Variants in TMEM14A observed in about 807,000 individuals in gnomAD.
The protein encoded by TMEM14A is transmembrane protein 14A.
A neutral mutation model predicts 11.6 loss-of-function variants in TMEM14A; 8 were observed. That is an observed-to-expected ratio of 0.69 (90% CI 0.40 to 1.24). The LOEUF is 1.24. Ranked by LOEUF, TMEM14A falls within the 50% of genes most tolerant of loss-of-function variation. The pLI is 0.01. For synonymous variants in TMEM14A, 34 were observed against 45.5 expected, an observed-to-expected ratio of 0.75 and a Z score of 1.02; for missense variants, 108 against 121.9, an observed-to-expected ratio of 0.89 and a Z score of 0.54.
intron 1 of TMEM14A, among the ~76,000 whole-genome samples, chr6:52,675,039 G>T (rs978913204): frequency 1.3e-5 from 2 of 151,906 alleles, no homozygotes; most frequent in African/African-American, 4.8e-5. Flanking sequence ...ACCATGCCAC[G>T]TCCGGGTAAT....
chr6:52,683,418 C>G (rs1318652596), intron 3 of TMEM14A, among the ~76,000 whole-genome samples: 1 of 149,846 alleles, frequency 6.7e-6, no homozygotes, highest in Non-Finnish European at 1.5e-5. Flanking sequence ...TGAGATCACG[C>G]CACTGTACTC....
chr6:52,684,491 A>G (rs1355720851), intron 4 of TMEM14A, among the ~76,000 whole-genome samples: 1 of 152,210 alleles, frequency 6.6e-6, no homozygotes, highest in Non-Finnish European at 1.5e-5. Flanking sequence ...ATTTAAATCT[A>G]ATACTCAGTC....
chr6:52,681,127 A>G (rs1052283837), intron 2 of TMEM14A, among the ~76,000 whole-genome samples: 2 of 151,828 alleles, frequency 1.3e-5, no homozygotes, highest in African/African-American at 4.8e-5. Flanking sequence ...CTGCCATGTA[A>G]CCCACTGTCC....
intron 2 of TMEM14A, among the ~76,000 whole-genome samples, chr6:52,680,665 A>ATATATATATG (rs1352415278): frequency 2.1e-5 from 1 of 47,208 alleles, no homozygotes; most frequent in Non-Finnish European, 4.2e-5. Flanking sequence ...GTGTATATAT[A>ATATATATATG]TGTGTATATA....
At chr6:52,680,712 T>TGTGTATATATATATATAC (rs1769374490) in intron 2 of TMEM14A, among the ~76,000 whole-genome samples, 12 of 133,084 alleles carry the variant, frequency 9.0e-5, no homozygotes, top group Non-Finnish European at 1.6e-4. Flanking sequence ...TATACACATA[T>TGTGTATATATATATATAC]ATATATGGCA....
chr6:52,679,016 A>G (rs1769313851), intron 2 of TMEM14A, among the ~76,000 whole-genome samples: 1 of 152,236 alleles, frequency 6.6e-6, no homozygotes, highest in Non-Finnish European at 1.5e-5. Context: ...TCTACGGGAC[A>G]GTTATTGAGA....
chr6:52,682,403 CTG>C (rs1769407011), intron 3 of TMEM14A, among the ~76,000 whole-genome samples: 1 of 152,172 alleles, frequency 6.6e-6, no homozygotes, highest in Non-Finnish European at 1.5e-5. Flanking sequence ...AAATGGAAAC[CTG>C]TGTGTTTAAA....
intron 1 of TMEM14A, among the ~76,000 whole-genome samples, chr6:52,675,384 G>A (rs1235203946): frequency 6.6e-6 from 1 of 152,210 alleles, no homozygotes; most frequent in Non-Finnish European, 1.5e-5. Flanking sequence ...ACCACTAGGG[G>A]TCTTAGAACT....
At position 52,686,232 on chromosome 6, in the gene TMEM14A, C is replaced by T. The variant is rs1769491306; in HGVS notation, c.*183C>T. 4 of 477,088 alleles carry T rather than the reference C, an allele frequency of 8.4e-6. No homozygotes were observed. Among genetic ancestry groups the T allele is most frequent in the Non-Finnish European group, 1.5e-5 (4 of 274,878 alleles). 29.6% of individuals were successfully genotyped at this position (477,088 alleles called of 1,614,324 possible). ...CTAAAGCAAAAATTTTAACTGTTTT[C>T]TAATTGTCAAGCACTATTTTCATTA... On this transcript the variant is annotated 3_prime_UTR_variant, in exon 5 of 5. Transcript: ENST00000211314.
intron 1 of TMEM14A, among the ~76,000 whole-genome samples, 192 bp from the exon 2 acceptor site, chr6:52,676,895 A>T (rs1222121653): frequency 6.6e-6 from 1 of 152,154 alleles, no homozygotes; most frequent in Non-Finnish European, 1.5e-5. Context: ...GGATGTTGCT[A>T]AACCATTAGC....
At chr6:52,676,312 G>A (rs1230759068) in intron 1 of TMEM14A, among the ~76,000 whole-genome samples, 1 of 152,130 alleles carries the variant, frequency 6.6e-6, no homozygotes, top group African/African-American at 2.4e-5. Flanking sequence ...GAGTGCAGTG[G>A]CACAATCACG....
chr6:52,677,108 C>G lies in TMEM14A; in HGVS notation c.6C>G (p.Asp2Glu). Residue 2 changes from aspartate (D) to glutamate (E), a missense_variant, in exon 2 of 5, where the codon GAC (aspartate) becomes GAG (glutamate). Asp to Glu is a conservative substitution (Grantham distance 45, BLOSUM62 2). Coordinates refer to ENST00000211314, the MANE Select transcript of TMEM14A (RefSeq NM_014051.4). M[D>E]LIGFGYAALV... ...TTAGAATTGCAACCTTGCCAATGGACCTGATCGGTTTTGGTTATGCAGCCC... is the reference window on the plus strand; with the variant it reads ...TTAGAATTGCAACCTTGCCAATGGAGCTGATCGGTTTTGGTTATGCAGCCC... 6.2e-7 allele frequency: 1 copy of G among 1,614,160 alleles called. No individual in the cohort carries two copies. Among genetic ancestry groups the G allele is most frequent in the Non-Finnish European group, 8.5e-7 (1 of 1,180,036 alleles).
chr6:52,674,561 AC>A (rs1769220091), intron 1 of TMEM14A, among the ~76,000 whole-genome samples: 1 of 152,192 alleles, frequency 6.6e-6, no homozygotes, highest in Non-Finnish European at 1.5e-5. Context: ...CACATAAGGC[AC>A]CTAGAATGCC....
intron 3 of TMEM14A, among the ~76,000 whole-genome samples, chr6:52,683,306 A>G (rs996940584): frequency 4.6e-5 from 7 of 152,068 alleles, no homozygotes; most frequent in African/African-American, 1.7e-4. Context: ...CTAAAAGTAC[A>G]AAAATTAGCT....
intron 2 of TMEM14A, 22 bp downstream of exon 2, chr6:52,677,194 A>G (rs1477760985): frequency 3.1e-6 from 5 of 1,612,886 alleles, no homozygotes; most frequent in Non-Finnish European, 3.4e-6. Flanking sequence ...CCAAATTTTC[A>G]TGAAAGGGAA....
At chr6:52,685,001 G>GA (rs1433797623) in intron 4 of TMEM14A, among the ~76,000 whole-genome samples, 10 of 152,114 alleles carry the variant, frequency 6.6e-5, no homozygotes, top group African/African-American at 2.4e-4. Context: ...GGTGGCATTG[G>GA]AAAATCTTAG....
Position 52,686,158 on chromosome 6 carries a change from A to G in TMEM14A, c.*109A>G. On this transcript the variant is annotated 3_prime_UTR_variant, in exon 5 of 5. Coordinates refer to ENST00000211314, the MANE Select transcript of TMEM14A (RefSeq NM_014051.4). ...TTCAATATGGAATGCTAGAAACACA[A>G]ATAGCACTGTCACCTCTAATATGAA... The G allele has an allele frequency of 1.3e-5, 14 of 1,067,356 alleles. No homozygotes were observed. The highest frequency in any genetic ancestry group is 1.7e-5 in the Non-Finnish European group (13 of 744,232). 66.1% of individuals were successfully genotyped at this position (1,067,356 alleles called of 1,614,324 possible). A position where few individuals can be genotyped will look rare whatever the true frequency, so the allele number is the denominator to read the frequency against.
chr6:52,680,585 T>TTTTATATATATA (rs1387950814), intron 2 of TMEM14A, among the ~76,000 whole-genome samples: 5 of 33,262 alleles, frequency 1.5e-4, no homozygotes, highest in Non-Finnish European at 3.2e-4. Flanking sequence ...CACTATATAT[T>TTTTATATATATA]TATATATTTA....
intron 2 of TMEM14A, 82 bp from the exon 3 acceptor site, chr6:52,681,731 C>G (rs1419543941): frequency 2.5e-6 from 3 of 1,210,796 alleles, no homozygotes; most frequent in South Asian, 2.6e-5. Context: ...TTGAAGGTGC[C>G]TGTATCATAC....
Sources: allele counts gnomAD v4.1 joint callset (sites outside exome capture counted in the v4.1 genomes callset), GRCh38; gene constraint gnomAD v4.1.1; transcripts MANE v1.5; gene names NCBI Gene and HGNC (gene_info 2026-07-23, HGNC 2026-07-21).